Variants in RFX3 observed in about 807,000 individuals in gnomAD.
RFX3 encodes the protein transcription factor RFX3.
RFX3 carries 14 observed loss-of-function variants against 98.6 expected under a neutral mutation model. That is an observed-to-expected ratio of 0.14 (90% CI 0.09 to 0.22). RFX3 has a LOEUF of 0.22. RFX3 is among the 10% of genes least tolerant of loss of function. The pLI is 1.00. For synonymous variants in RFX3, 383 were observed against 328.4 expected (o/e 1.17, Z -1.80); for missense variants, 639 against 926.9 (o/e 0.69, Z 4.03).
At chr9:3,481,776 A>C (rs1404695706) in intron 1 of RFX3, among the ~76,000 whole-genome samples, 1 of 152,142 alleles carries the variant, frequency 6.6e-6, no homozygotes, top group East Asian at 1.9e-4. Flanking sequence ...AGAAATATGA[A>C]CAGCTAATGA....
chr9:3,410,161 C>CTCTGTGTGTG (rs1554698458), intron 1 of RFX3, among the ~76,000 whole-genome samples: 4 of 114,052 alleles, frequency 3.5e-5, no homozygotes, highest in Non-Finnish European at 7.0e-5. Flanking sequence ...GTGAGATAAA[C>CTCTGTGTGTG]TGTGTGTGTG....
At chr9:3,253,719 A>T (rs1364811449) in intron 14 of RFX3, among the ~76,000 whole-genome samples, 2 of 152,198 alleles carry the variant, frequency 1.3e-5, no homozygotes, top group Non-Finnish European at 2.9e-5. Context: ...TATACAAAAA[A>T]TTTTAGAAAT....
chr9:3,271,975 C>T (rs1038967735), intron 9 of RFX3, among the ~76,000 whole-genome samples: 1 of 152,042 alleles, frequency 6.6e-6, no homozygotes, highest in Admixed American at 6.6e-5. Flanking sequence ...TCTCGGGGGC[C>T]TCACCTCCTC....
intron 1 of RFX3, among the ~76,000 whole-genome samples, chr9:3,500,196 G>A (rs1587867027): frequency 6.6e-6 from 1 of 152,134 alleles, no homozygotes; most frequent in South Asian, 2.1e-4. Flanking sequence ...TCTGACCAAA[G>A]AACTGAGGAT....
Position 3,293,166 on chromosome 9 carries a change from T to A in RFX3, c.642A>T (p.Glu214Asp), listed in dbSNP as rs1326023761. The stretch of plus-strand genomic sequence containing the variant: ...CAGCATTGACTGGGTCCAGTTTGTG[T>A]TCCTGACAGTGTCGAAGGTAGTGGT... ...LYNHYLRHCQ[E>D]HKLDPVNAAS... The change falls in exon 6 of 17, where the codon GAA becomes GAT. Residue 214 changes from glutamate to aspartate, a missense_variant. By Grantham distance (45) the Glu-to-Asp change is conservative (BLOSUM62 2). Transcript: ENST00000617270. 1.2e-6 allele frequency: 2 copies of A among 1,613,534 alleles called. No homozygotes were observed. The highest frequency in any genetic ancestry group is 1.7e-6 in the Non-Finnish European group (2 of 1,179,732).
At chr9:3,522,450 T>TTA (rs1409219767) in intron 1 of RFX3, among the ~76,000 whole-genome samples, 12 of 152,166 alleles carry the variant, frequency 7.9e-5, no homozygotes, top group Non-Finnish European at 1.6e-4. Context: ...CTCTCAAAAA[T>TTA]GTTAAAGTTT....
intron 1 of RFX3, among the ~76,000 whole-genome samples, chr9:3,461,098 A>G (rs1454537249): frequency 6.6e-6 from 1 of 150,464 alleles, no homozygotes; most frequent in Non-Finnish European, 1.5e-5. Context: ...ATATTTATTT[A>G]ATATAAATAA....
At chr9:3,504,324 TAA>T (rs1480822762) in intron 1 of RFX3, among the ~76,000 whole-genome samples, 1 of 117,664 alleles carries the variant, frequency 8.5e-6, no homozygotes, top group Non-Finnish European at 1.6e-5. Flanking sequence ...ATATTATATA[TAA>T]AATATATATT....
At chr9:3,273,980 T>C (rs1232077791) in intron 9 of RFX3, among the ~76,000 whole-genome samples, 1 of 152,016 alleles carries the variant, frequency 6.6e-6, no homozygotes, top group Non-Finnish European at 1.5e-5. Context: ...TTGAATAAGA[T>C]GATAAATGTA....
At chr9:3,287,698 T>G (rs578220344) in intron 7 of RFX3, among the ~76,000 whole-genome samples, 2 of 151,982 alleles carry the variant, frequency 1.3e-5, no homozygotes, top group African/African-American at 4.8e-5. Flanking sequence ...CAATTCTGTA[T>G]CTATGAAAGT....
At chr9:3,247,341 T>C (rs964706242) in intron 15 of RFX3, 11 of 987,440 alleles carry the variant, frequency 1.1e-5, no homozygotes, top group Admixed American at 1.2e-4. Context: ...CCTTACATCA[T>C]TAGTGGTTAG....
chr9:3,319,529 T>C (rs1366544336), intron 4 of RFX3, among the ~76,000 whole-genome samples: 2 of 152,204 alleles, frequency 1.3e-5, no homozygotes. Flanking sequence ...TATCCAATCC[T>C]GCCCAATCTT....
In RFX3 at chr9:3,525,882, C is replaced by T. The variant is rs1162637336; in HGVS notation, c.-144G>A. On this transcript the variant is annotated 5_prime_UTR_variant, in exon 1 of 17. Coordinates refer to ENST00000617270, the MANE Select transcript of RFX3 (RefSeq NM_001282116.2). ...GTAACAGTCGCCAGGACTACGGTGA[C>T]TATGGCGCTTGATTCACAAGGCAAC... 3 of 984,406 alleles carry T rather than the reference C, an allele frequency of 3.0e-6. No individual in the cohort carries two copies. The highest frequency in any genetic ancestry group is 3.5e-5 in the African/African-American group (2 of 56,774). The allele number at this position is 984,406 out of a possible 1,614,324, so 61.0% of individuals were successfully genotyped here. A position where few individuals can be genotyped will look rare whatever the true frequency, so the allele number is the denominator to read the frequency against.
At chr9:3,501,133 G>C (rs867910316) in intron 1 of RFX3, among the ~76,000 whole-genome samples, 18 of 152,100 alleles carry the variant, frequency 1.2e-4, no homozygotes, top group African/African-American at 4.3e-4. Flanking sequence ...ATTCCACCAT[G>C]CAATTAGCCT....
Position 3,330,532 on chromosome 9 carries a change from G to GA in RFX3, c.216-16dup. On this transcript the variant is annotated splice_polypyrimidine_tract_variant and intron_variant, in intron 3 of 16. Transcript: ENST00000617270. ...TTGTTGTTCGGCTTTAGAAGAAGAA[G>GA]AAAAAAGAAATTTACTAGCTTATTT... 1.3e-6 allele frequency: 2 copies of GA among 1,575,932 alleles called. No individual in the cohort carries two copies. The highest frequency in any genetic ancestry group is 1.7e-6 in the Non-Finnish European group (2 of 1,159,450).
intron 7 of RFX3, among the ~76,000 whole-genome samples, chr9:3,282,574 G>T (rs1826046733): frequency 6.6e-6 from 1 of 151,748 alleles, no homozygotes. Flanking sequence ...AGCTCTCCCA[G>T]GTGCTGAGGA....
intron 1 of RFX3, among the ~76,000 whole-genome samples, chr9:3,423,861 A>T (rs1843694205): frequency 6.8e-6 from 1 of 147,154 alleles, no homozygotes; most frequent in South Asian, 2.1e-4. Flanking sequence ...TATTTAAAAC[A>T]AGAAGGCCAG....
At position 3,288,591 on chromosome 9, in the gene RFX3, G is replaced by GA. The variant is rs532264096; in HGVS notation, c.732-342dup. Among the ~76,000 whole-genome samples the GA allele has an allele frequency of 6.1e-3, 922 of 151,940 alleles. 3 individuals carry two copies. Among genetic ancestry groups the GA allele is most frequent in the Non-Finnish European group, 9.8e-3 (667 of 67,896 alleles). ...ATTTAGTTAAGAAGGGTAATGATAG[G>GA]AAAAAAGTTTTTGGCCAGTAAAAAT... On this transcript the variant is annotated intron_variant, in intron 6 of 16. Coordinates refer to ENST00000617270, the MANE Select transcript of RFX3 (RefSeq NM_001282116.2).
At chr9:3,421,259 T>C (rs1195609506) in intron 1 of RFX3, among the ~76,000 whole-genome samples, 1 of 152,190 alleles carries the variant, frequency 6.6e-6, no homozygotes, top group East Asian at 1.9e-4. Flanking sequence ...TTACAAAGTC[T>C]TGAGGAGCCG....
Sources: allele counts gnomAD v4.1 joint callset (sites outside exome capture counted in the v4.1 genomes callset), GRCh38; gene constraint gnomAD v4.1.1; transcripts MANE v1.5; gene names NCBI Gene and HGNC (gene_info 2026-07-23, HGNC 2026-07-21).